The following MED12L variants were observed in gnomAD, a reference collection of about 807,000 sequenced individuals.
The protein encoded by MED12L is mediator of RNA polymerase II transcription subunit 12-like protein.
A neutral mutation model predicts 281.3 loss-of-function variants in MED12L; 60 were observed. That is an observed-to-expected ratio of 0.21 (90% CI 0.17 to 0.26). The LOEUF (loss-of-function observed/expected upper bound fraction) is 0.26. Among genes scored for constraint, MED12L ranks in the 10% least tolerant of loss-of-function variants. The pLI, the probability that MED12L is intolerant of heterozygous loss-of-function variation, is 1.00. For missense variants in MED12L, 2,146 were observed against 2,680.9 expected (o/e 0.80, Z 4.41); for synonymous variants, 974 against 987.2 (o/e 0.99, Z 0.25).
At position 151,252,781 on chromosome 3, in the gene MED12L, T is replaced by C. The variant is rs1046611555; in HGVS notation, c.2250+59115T>C. On this transcript the variant is annotated intron_variant, in intron 16 of 44. Transcript: ENST00000687756. The stretch of plus-strand genomic sequence containing the variant: ...ATATGTAATCTACTAACTTATCTAC[T>C]AACTAGATAAGTTCTAGAACTTATC... Among the ~76,000 whole-genome samples the C allele has an allele frequency of 1.1e-4, 16 of 152,308 alleles. No homozygotes were observed. The South Asian group carries it at 1.9e-3, about 18-fold the overall frequency.
chr3:151,199,488 A>T, intron 16 of MED12L: 1 of 1,022,976 alleles, frequency 9.8e-7, no homozygotes, highest in Non-Finnish European at 1.4e-6. Context: ...ATTAGCAACT[A>T]TTTTCTTTAA....
At chr3:151,404,318 C>A (rs1244799454) in intron 39 of MED12L, among the ~76,000 whole-genome samples, 2 of 152,134 alleles carry the variant, frequency 1.3e-5, no homozygotes, top group African/African-American at 4.8e-5. Context: ...AGGTTCATTA[C>A]TGTATGGGAT....
chr3:151,389,774 C>T (rs533935507), intron 37 of MED12L, among the ~76,000 whole-genome samples: 2 of 152,284 alleles, frequency 1.3e-5, no homozygotes, highest in African/African-American at 4.8e-5. Flanking sequence ...GCAAGCCAAG[C>T]ACTGTTTAAG....
chr3:151,350,258 C>T, intron 17 of MED12L, 52 bp downstream of exon 17: 1 of 1,577,288 alleles, frequency 6.3e-7, no homozygotes, highest in Non-Finnish European at 8.7e-7. Context: ...TGCCTTCCCT[C>T]TGAGCACAGT....
At chr3:151,307,922 G>A (rs1577293240) in intron 16 of MED12L, among the ~76,000 whole-genome samples, 1 of 152,086 alleles carries the variant, frequency 6.6e-6, no homozygotes, top group African/African-American at 2.4e-5. Flanking sequence ...GATTCAGTAG[G>A]CAGCTGTTAA....
chr3:151,428,879 A>G lies in MED12L; in HGVS notation c.6409-1420A>G, dbSNP rs915074183. Among the ~76,000 whole-genome samples, 23 of 151,918 alleles carry G rather than the reference A, an allele frequency of 1.5e-4. 1 individual carries two copies. Among genetic ancestry groups the G allele is most frequent in the Admixed American group, 3.9e-4 (6 of 15,280 alleles). ...TTTGGGACATGCTTGGAACTAAAAC[A>G]TTATTGTTTATTTGAAAATCACATT... On this transcript the variant is annotated intron_variant, in intron 43 of 44. Transcript: ENST00000687756.
chr3:151,365,472 A>G (rs1175259497), intron 22 of MED12L, among the ~76,000 whole-genome samples: 1 of 152,228 alleles, frequency 6.6e-6, no homozygotes, highest in Non-Finnish European at 1.5e-5. Flanking sequence ...AACATATAAT[A>G]AAAATATAAA....
chr3:151,118,199 G>A (rs1713169817), intron 3 of MED12L, among the ~76,000 whole-genome samples: 1 of 149,398 alleles, frequency 6.7e-6, no homozygotes, highest in African/African-American at 2.5e-5. Context: ...AAATACTTTT[G>A]TGAAATTAAA....
chr3:151,196,521 T>C (rs1024535228), intron 16 of MED12L, among the ~76,000 whole-genome samples: 1 of 152,216 alleles, frequency 6.6e-6, no homozygotes, highest in Non-Finnish European at 1.5e-5. Flanking sequence ...AAAGGGGGCT[T>C]GACCAAAGAT....
intron 16 of MED12L, among the ~76,000 whole-genome samples, chr3:151,259,367 T>G (rs553296608): frequency 6.6e-6 from 1 of 152,314 alleles, no homozygotes; most frequent in Admixed American, 6.5e-5. Context: ...AGGAAATACT[T>G]TCAGTGAGAT....
chr3:151,116,912 C>T (rs1025002329), intron 3 of MED12L, among the ~76,000 whole-genome samples: 3 of 152,156 alleles, frequency 2.0e-5, no homozygotes, highest in African/African-American at 7.2e-5. Flanking sequence ...TCTACCATCT[C>T]CCTGCATTGG....
chr3:151,199,517 A>G (rs1725219958), intron 16 of MED12L: 3 of 743,628 alleles, frequency 4.0e-6, no homozygotes, highest in East Asian at 2.6e-5. Context: ...GGTCTTCACA[A>G]TACCGTTGTC....
intron 16 of MED12L, among the ~76,000 whole-genome samples, chr3:151,345,400 A>G (rs1752401881): frequency 6.6e-6 from 1 of 152,164 alleles, no homozygotes; most frequent in South Asian, 2.1e-4. Context: ...AAGTTGAAAG[A>G]GCAGAAATCG....
In MED12L at chr3:151,384,146, C is replaced by T; in HGVS notation, c.4854C>T (p.Asp1618=). The T allele has an allele frequency of 3.1e-6, 5 of 1,613,982 alleles. No homozygotes were observed. The highest frequency in any genetic ancestry group is 4.2e-6 in the Non-Finnish European group (5 of 1,179,890). ...TAATCAATGGAACGTTAGCCTCTGA[C>T]CTATCAAATGCATCCCCTGGGGGAT... is the stretch of plus-strand genomic sequence containing the variant. The part of the protein sequence containing the change: ...GVLINGTLAS[D]LSNASPGGSE... Residue 1618 remains aspartate (D), a synonymous_variant, in exon 35 of 45, where the codon GAC becomes GAT. Transcript: ENST00000687756.
rs115091933 is a variant in MED12L at position 151,314,988 on chromosome 3, G to T, written c.2251-35071G>T. On this transcript the variant is annotated intron_variant, in intron 16 of 44. Coordinates refer to ENST00000687756, the MANE Select transcript of MED12L (RefSeq NM_001393769.1). ...AAACCCAAACTACTGCCTCTTGCCT[G>T]CATAGAGAACATCTACCCTGGAGAC... Among the ~76,000 whole-genome samples, 937 of 152,264 alleles carry T rather than the reference G, an allele frequency of 6.2e-3. 14 individuals carry two copies. Among genetic ancestry groups the T allele is most frequent in the African/African-American group, 0.022 (904 of 41,546 alleles).
intron 16 of MED12L, among the ~76,000 whole-genome samples, chr3:151,254,114 T>C (rs1257726131): frequency 6.6e-6 from 1 of 152,130 alleles, no homozygotes; most frequent in Non-Finnish European, 1.5e-5. Flanking sequence ...CATACCCTTT[T>C]CTTATGCCCT....
intron 16 of MED12L, among the ~76,000 whole-genome samples, chr3:151,311,037 A>T (rs1196570174): frequency 6.6e-6 from 1 of 152,210 alleles, no homozygotes; most frequent in Admixed American, 6.5e-5. Flanking sequence ...AGCAAGAAGT[A>T]GTGTACCATG....
At chr3:151,334,096 T>C (rs1750659011) in intron 16 of MED12L, among the ~76,000 whole-genome samples, 1 of 151,764 alleles carries the variant, frequency 6.6e-6, no homozygotes, top group Admixed American at 6.6e-5. Context: ...AAAAAAAATC[T>C]TTTAAATTAA....
At chr3:151,205,292 TAAAG>T (rs1726186961) in intron 16 of MED12L, among the ~76,000 whole-genome samples, 2 of 152,324 alleles carry the variant, frequency 1.3e-5, no homozygotes, top group African/African-American at 4.8e-5. Context: ...TACTTTTTGT[TAAAG>T]AAATAATCTA....
Sources: allele counts gnomAD v4.1 joint callset (sites outside exome capture counted in the v4.1 genomes callset), GRCh38; gene constraint gnomAD v4.1.1; transcripts MANE v1.5; gene names NCBI Gene and HGNC (gene_info 2026-07-23, HGNC 2026-07-21).